RNLS: variants seen among roughly 807,000 people sequenced by gnomAD.
RNLS encodes renalase.
Under a neutral mutation model 39.8 loss-of-function variants are expected in RNLS, and 39 were observed. The observed-to-expected ratio is 0.98, with a 90% CI of 0.76 to 1.28. The LOEUF (loss-of-function observed/expected upper bound fraction) is 1.28, where lower values mean the gene tolerates loss of function less well. Among genes scored for constraint, RNLS ranks in the 50% most tolerant of loss-of-function variants. RNLS has a pLI of 0.00. For missense variants in RNLS, 410 were observed against 413.3 expected (o/e 0.99, Z 0.07); for synonymous variants, 147 against 150.7 (o/e 0.98, Z 0.18).
the RNLS span, among the ~76,000 whole-genome samples, chr10:88,259,952 G>A: frequency 6.6e-6 from 1 of 152,140 alleles, no homozygotes; most frequent in Non-Finnish European, 1.5e-5. Context: ...ATGTTGGCCA[G>A]GATGGTCTCG....
intron 4 of RNLS, among the ~76,000 whole-genome samples, chr10:88,564,565 A>G (rs552241800): frequency 6.6e-6 from 1 of 152,290 alleles, no homozygotes; most frequent in South Asian, 2.1e-4. Flanking sequence ...GATCAAGTAC[A>G]CATGGAAGAG....
At chr10:88,498,685 G>A (rs1278177574) in intron 4 of RNLS, among the ~76,000 whole-genome samples, 1 of 151,658 alleles carries the variant, frequency 6.6e-6, no homozygotes, top group Non-Finnish European at 1.5e-5. Flanking sequence ...GTTTTAAGAA[G>A]GCACACAATG....
chr10:88,578,670 C>A (rs1850350768), intron 3 of RNLS, among the ~76,000 whole-genome samples: 1 of 152,008 alleles, frequency 6.6e-6, no homozygotes, highest in South Asian at 2.1e-4. Context: ...TATCACTCTA[C>A]CTACTATGTA....
the RNLS span, among the ~76,000 whole-genome samples, chr10:88,184,629 A>G: frequency 6.6e-5 from 10 of 152,126 alleles, no homozygotes; most frequent in Non-Finnish European, 1.5e-4. Flanking sequence ...AGTTAAGATG[A>G]CCCATCTTTT....
intron 4 of RNLS, among the ~76,000 whole-genome samples, chr10:88,463,829 C>G (rs997786201): frequency 5.9e-5 from 9 of 151,308 alleles, no homozygotes; most frequent in East Asian, 1.9e-4. Context: ...GTGTTTATCT[C>G]TGTGTGTGTG....
At chr10:88,416,459 G>A (rs1218732115) in intron 4 of RNLS, among the ~76,000 whole-genome samples, 2 of 151,968 alleles carry the variant, frequency 1.3e-5, no homozygotes, top group African/African-American at 4.8e-5. Context: ...CTCCATGTTG[G>A]TCAGGCTAGT....
chr10:88,174,872 T>A, the RNLS span, among the ~76,000 whole-genome samples: 1 of 152,226 alleles, frequency 6.6e-6, no homozygotes, highest in Admixed American at 6.5e-5. Context: ...AATTCAAAAG[T>A]GAGGCCATTC....
intron 4 of RNLS, among the ~76,000 whole-genome samples, chr10:88,517,544 G>T: frequency 6.6e-6 from 1 of 151,818 alleles, no homozygotes; most frequent in East Asian, 1.9e-4. Context: ...GAGAAAAATG[G>T]CCTTTGTTTT....
intron 4 of RNLS, among the ~76,000 whole-genome samples, chr10:88,514,177 C>T (rs939150583): frequency 6.6e-6 from 1 of 150,920 alleles, no homozygotes; most frequent in Non-Finnish European, 1.5e-5. Context: ...GGGGAGGCCT[C>T]AGGAAACTTA....
At chr10:88,272,768 T>C (rs1842684346), downstream of RNLS, among the ~76,000 whole-genome samples, 1 of 152,198 alleles carries the variant, frequency 6.6e-6, no homozygotes, top group South Asian at 2.1e-4. Flanking sequence ...AGATAGATAC[T>C]CAAATAGTCT....
At chr10:88,182,606 T>G in the RNLS span, among the ~76,000 whole-genome samples, 3 of 152,148 alleles carry the variant, frequency 2.0e-5, no homozygotes, top group Admixed American at 2.0e-4. Flanking sequence ...ACGTTACACT[T>G]AATTTACAAA....
rs578117987 is a variant in RNLS at position 88,448,404 on chromosome 10, C to T, written c.527-85679G>A. ...GCCAACAGACACATGAAAAAATGCT[C>T]ATCATCACTGGCCATCAGAGAAATG... On this transcript the variant is annotated intron_variant, in intron 4 of 6. Coordinates refer to ENST00000331772, the MANE Select transcript of RNLS (RefSeq NM_001031709.3). Among the ~76,000 whole-genome samples the T allele has an allele frequency of 8.0e-4, 122 of 152,262 alleles. 2 individuals are homozygous for T. The South Asian group carries it at 0.025, about 31-fold the overall frequency.
intron 4 of RNLS, among the ~76,000 whole-genome samples, chr10:88,508,472 G>A (rs1845916871): frequency 2.0e-5 from 3 of 152,144 alleles, no homozygotes; most frequent in African/African-American, 7.2e-5. Flanking sequence ...CTCAGTACAT[G>A]TGGCTAGGAT....
At chr10:88,490,740 T>C (rs1844827929) in intron 4 of RNLS, among the ~76,000 whole-genome samples, 1 of 152,142 alleles carries the variant, frequency 6.6e-6, no homozygotes, top group African/African-American at 2.4e-5. Flanking sequence ...TCTTATAACA[T>C]TTCCTGAAGT....
intron 4 of RNLS, among the ~76,000 whole-genome samples, chr10:88,508,435 G>T (rs1197862518): frequency 6.6e-6 from 1 of 152,136 alleles, no homozygotes; most frequent in African/African-American, 2.4e-5. Context: ...TAAGGTCTTT[G>T]CTACAGTGTC....
At chr10:88,327,437 C>T (rs914578363) in intron 5 of RNLS, among the ~76,000 whole-genome samples, 2 of 152,102 alleles carry the variant, frequency 1.3e-5, no homozygotes, top group Admixed American at 1.3e-4. Flanking sequence ...GGGCTCTTCC[C>T]CCTTCACTCC....
At chr10:88,245,116 A>G in the RNLS span, among the ~76,000 whole-genome samples, 1 of 152,224 alleles carries the variant, frequency 6.6e-6, no homozygotes, top group Non-Finnish European at 1.5e-5. Flanking sequence ...AAATACTTTA[A>G]AATTTCAGAG....
chr10:88,397,424 T>C (rs1464003092), intron 4 of RNLS, among the ~76,000 whole-genome samples: 1 of 151,770 alleles, frequency 6.6e-6, no homozygotes, highest in Non-Finnish European at 1.5e-5. Context: ...TTGAAATAAA[T>C]GAAAATGAAA....
chr10:88,467,267 C>T (rs558024058), intron 4 of RNLS, among the ~76,000 whole-genome samples: 1 of 151,634 alleles, frequency 6.6e-6, no homozygotes, highest in Admixed American at 6.6e-5. Context: ...AGTCCAGGCT[C>T]TACACTGGTG....
Sources: gnomAD v4.1 joint callset for allele counts (sites outside exome capture counted in the v4.1 genomes callset) on GRCh38, gnomAD v4.1.1 for gene constraint, MANE v1.5 for transcripts, NCBI Gene and HGNC (gene_info 2026-07-23, HGNC 2026-07-21) for gene names.